The following SLC24A2 variants were observed in gnomAD, a reference collection of about 807,000 sequenced individuals.
SLC24A2 encodes the protein sodium/potassium/calcium exchanger 2.
A neutral mutation model predicts 62.0 loss-of-function variants in SLC24A2; 36 were observed. The ratio of observed to expected loss-of-function variants is 0.58; its 90% confidence interval spans 0.44 to 0.77. The LOEUF (loss-of-function observed/expected upper bound fraction) is 0.77, where lower values mean the gene tolerates loss of function less well. Ranked by LOEUF, SLC24A2 falls within the 30% of genes least tolerant of loss-of-function variation. SLC24A2 has a pLI of 0.00. For synonymous variants in SLC24A2, 358 were observed against 294.0 expected, an observed-to-expected ratio of 1.22 and a Z score of -2.23; for missense variants, 846 against 817.9, an observed-to-expected ratio of 1.03 and a Z score of -0.42.
the SLC24A2 span, among the ~76,000 whole-genome samples, chr9:20,093,912 T>C: frequency 6.6e-6 from 1 of 152,212 alleles, no homozygotes; most frequent in Non-Finnish European, 1.5e-5. Flanking sequence ...TTGTATCTCA[T>C]GTAGCCCATA....
At chr9:19,726,563 C>A (rs928924146) in intron 2 of SLC24A2, among the ~76,000 whole-genome samples, 1 of 152,142 alleles carries the variant, frequency 6.6e-6, no homozygotes, top group Non-Finnish European at 1.5e-5. Flanking sequence ...ACCTCAGCAA[C>A]CTTCTCCAAA....
At chr9:19,915,795 T>C in the SLC24A2 span, among the ~76,000 whole-genome samples, 2 of 152,094 alleles carry the variant, frequency 1.3e-5, no homozygotes, top group Non-Finnish European at 2.9e-5. Context: ...TACCTTATTC[T>C]TGAGTTTTGT....
chr9:20,094,100 G>A, the SLC24A2 span, among the ~76,000 whole-genome samples: 13 of 152,254 alleles, frequency 8.5e-5, 1 homozygote, highest in Middle Eastern at 6.8e-3. Flanking sequence ...CTGATAGTCC[G>A]AAGCAATGAT....
the SLC24A2 span, among the ~76,000 whole-genome samples, chr9:20,020,506 G>T: frequency 3.9e-5 from 6 of 152,166 alleles, no homozygotes; most frequent in Admixed American, 2.0e-4. Flanking sequence ...TTACTCATAA[G>T]TGGGAGTGGA....
the SLC24A2 span, among the ~76,000 whole-genome samples, chr9:20,150,235 G>C: frequency 6.6e-6 from 1 of 151,908 alleles, no homozygotes; most frequent in Non-Finnish European, 1.5e-5. Context: ...AGCCCAGCCT[G>C]TACTAAATGC....
chr9:19,509,520 T>C lies in SLC24A2; in HGVS notation c.*6633A>G, dbSNP rs1832633587. The stretch of plus-strand genomic sequence containing the variant: ...ATTTTATGGCTTTAATTAAGACAGT[T>C]GTCTCTTATGAAGTACTATAAAGTG... On this transcript the variant is annotated 3_prime_UTR_variant, in exon 11 of 11. Transcript: ENST00000341998. 6.6e-6 allele frequency: 1 copy of C among 152,192 alleles called. No homozygotes were observed. Among genetic ancestry groups the C allele is most frequent in the Admixed American group, 6.5e-5 (1 of 15,274 alleles). The allele number at this position is 152,192 out of a possible 1,614,324, so 9.4% of individuals were successfully genotyped here.
the SLC24A2 span, among the ~76,000 whole-genome samples, chr9:20,039,547 G>A: frequency 6.6e-6 from 1 of 151,988 alleles, no homozygotes; most frequent in African/African-American, 2.4e-5. Context: ...GAGACAAGCA[G>A]GAGGGCAGGA....
chr9:19,669,038 A>T (rs1024339391), intron 2 of SLC24A2, among the ~76,000 whole-genome samples: 1 of 152,228 alleles, frequency 6.6e-6, no homozygotes, highest in African/African-American at 2.4e-5. Context: ...GGTAATTTGA[A>T]GATAAGATCT....
the SLC24A2 span, among the ~76,000 whole-genome samples, chr9:20,231,325 A>T: frequency 6.6e-6 from 1 of 152,356 alleles, no homozygotes; most frequent in African/African-American, 2.4e-5. Context: ...TATCTTGGGC[A>T]GTATGGCCAT....
the SLC24A2 span, among the ~76,000 whole-genome samples, chr9:20,193,858 A>T: frequency 6.6e-6 from 1 of 152,242 alleles, no homozygotes; most frequent in East Asian, 1.9e-4. Flanking sequence ...TGGCAAAATG[A>T]TCCTATCGGT....
chr9:20,243,980 T>C, the SLC24A2 span, among the ~76,000 whole-genome samples: 5 of 151,836 alleles, frequency 3.3e-5, no homozygotes, highest in African/African-American at 1.2e-4. Context: ...CAGGCGGAGA[T>C]TTCTAAACTC....
chr9:19,831,140 G>C, the SLC24A2 span, among the ~76,000 whole-genome samples: 1 of 152,166 alleles, frequency 6.6e-6, no homozygotes, highest in East Asian at 1.9e-4. Flanking sequence ...ATCTCCCAGA[G>C]GCCACATCTC....
At chr9:19,734,288 G>C (rs1164776185) in intron 2 of SLC24A2, among the ~76,000 whole-genome samples, 1 of 152,092 alleles carries the variant, frequency 6.6e-6, no homozygotes, top group Admixed American at 6.6e-5. Context: ...GGTTACTGTA[G>C]CCTTGTAGTA....
In SLC24A2 at chr9:19,617,175, G is replaced by C. The variant is rs76524522; in HGVS notation, c.1078+2409C>G. On this transcript the variant is annotated intron_variant, in intron 4 of 10. Transcript: ENST00000341998. ...CCTCGGATCATCAGGCATTAAATTC[G>C]AATAAGGAGCACACAACCTAGATCT... 4.6e-4 allele frequency among the ~76,000 whole-genome samples: 70 copies of C among 152,242 alleles called. 1 individual carries two copies. The East Asian group carries it at 0.013, about 28-fold the overall frequency.
At chr9:19,639,351 C>T (rs943600457) in intron 2 of SLC24A2, among the ~76,000 whole-genome samples, 2 of 152,128 alleles carry the variant, frequency 1.3e-5, no homozygotes, top group South Asian at 2.1e-4. Context: ...TTTTCCTTCC[C>T]CTTGTTTTGG....
At chr9:20,216,761 A>G in the SLC24A2 span, among the ~76,000 whole-genome samples, 2 of 152,240 alleles carry the variant, frequency 1.3e-5, no homozygotes, top group Non-Finnish European at 2.9e-5. Flanking sequence ...TTTAAGCATT[A>G]CATGTCTCAT....
At chr9:20,005,744 T>C in the SLC24A2 span, among the ~76,000 whole-genome samples, 5 of 151,566 alleles carry the variant, frequency 3.3e-5, no homozygotes, top group Admixed American at 6.6e-5. Flanking sequence ...TTGTAGAACA[T>C]GAAATTATGC....
chr9:19,770,398 T>C (rs1822649671), intron 2 of SLC24A2, among the ~76,000 whole-genome samples: 1 of 145,466 alleles, frequency 6.9e-6, no homozygotes, highest in African/African-American at 2.8e-5. Context: ...ACTATATGCA[T>C]TTTTTTTCAG....
At chr9:19,543,685 T>G (rs1834398766) in intron 8 of SLC24A2, among the ~76,000 whole-genome samples, 1 of 152,206 alleles carries the variant, frequency 6.6e-6, no homozygotes, top group Middle Eastern at 3.2e-3. Context: ...ATTTCGTTTT[T>G]TACCCAGTAG....
Sources: allele counts gnomAD v4.1 joint callset (sites outside exome capture counted in the v4.1 genomes callset), GRCh38; gene constraint gnomAD v4.1.1; transcripts MANE v1.5; gene names NCBI Gene and HGNC (gene_info 2026-07-23, HGNC 2026-07-21).